The following ZFR variants were observed in gnomAD, a reference collection of about 807,000 sequenced individuals.
ZFR encodes zinc finger RNA-binding protein.
In ZFR, 19 loss-of-function variants were observed where a neutral mutation model predicts 130.7. That is an observed-to-expected ratio of 0.15 (90% confidence interval 0.10 to 0.21). The LOEUF (loss-of-function observed/expected upper bound fraction) is 0.21, where lower values mean the gene tolerates loss of function less well. Ranked by LOEUF, ZFR falls within the 10% of genes least tolerant of loss-of-function variation. The probability of loss-of-function intolerance (pLI) is 1.00; values close to 1 mark genes in which losing one functional copy is unlikely to be tolerated. For missense variants in ZFR, 872 were observed against 1,321.5 expected (o/e 0.66, Z 5.27); for synonymous variants, 466 against 456.9 (o/e 1.02, Z -0.25).
intron 2 of ZFR, among the ~76,000 whole-genome samples, chr5:32,424,778 T>C (rs1422414516): frequency 6.6e-6 from 1 of 152,178 alleles, no homozygotes; most frequent in African/African-American, 2.4e-5. Flanking sequence ...TAAATACTAT[T>C]GATAAGATAA....
At chr5:32,398,434 A>G (rs1753368549) in intron 9 of ZFR, among the ~76,000 whole-genome samples, 2 of 152,234 alleles carry the variant, frequency 1.3e-5, no homozygotes, top group Admixed American at 6.5e-5. Flanking sequence ...TATGAAGTCT[A>G]TTATGAATAC....
At chr5:32,442,327 G>GT (rs1276951323) in intron 2 of ZFR, among the ~76,000 whole-genome samples, 1 of 152,158 alleles carries the variant, frequency 6.6e-6, no homozygotes, top group Non-Finnish European at 1.5e-5. Context: ...GAAAAAGATG[G>GT]TTTTTTCCTC....
intron 2 of ZFR, among the ~76,000 whole-genome samples, chr5:32,442,812 C>T (rs1307280285): frequency 6.6e-6 from 1 of 152,100 alleles, no homozygotes; most frequent in Non-Finnish European, 1.5e-5. Flanking sequence ...TTTCTCAAAA[C>T]CACAAGTTTC....
At chr5:32,372,754 G>GA (rs1752703490) in intron 17 of ZFR, among the ~76,000 whole-genome samples, 2 of 152,112 alleles carry the variant, frequency 1.3e-5, no homozygotes, top group African/African-American at 4.8e-5. Flanking sequence ...AAAATCTCTT[G>GA]AACCCAGGAG....
chr5:32,419,755 T>TTACA (rs1753911110), intron 3 of ZFR, 66 bp downstream of exon 3: 1 of 1,508,664 alleles, frequency 6.6e-7, no homozygotes, highest in Admixed American at 2.2e-5. Flanking sequence ...GGCTAGGGCA[T>TTACA]TACATTATAC....
intron 12 of ZFR, among the ~76,000 whole-genome samples, chr5:32,389,023 T>C (rs1753102155): frequency 6.6e-6 from 1 of 152,254 alleles, no homozygotes; most frequent in Non-Finnish European, 1.5e-5. Flanking sequence ...GCCAACCCTC[T>C]GAGCAAAGAT....
rs770579451 is a variant in ZFR, at chr5:32,388,523, T to C, written c.2294A>G (p.His765Arg). The change falls in exon 13 of 20, where the codon CAT (histidine) becomes CGT (arginine). Residue 765 changes from histidine to arginine, a missense_variant. Transcript: ENST00000265069. ...LKLVSDSLSE[H>R]EKNKNKEGDD... ...TCCCTCTTTGTTCTTGTTCTTCTCA[T>C]GTTCAGACAAACTGTCTGAAACGAG... 6.8e-6 allele frequency: 11 copies of C among 1,613,986 alleles called. No individual in the cohort carries two copies. Among genetic ancestry groups the C allele is most frequent in the South Asian group, 2.2e-5 (2 of 91,086 alleles).
Position 32,415,777 on chromosome 5 carries a change from C to T in ZFR, c.566-590G>A, listed in dbSNP as rs142303746. On this transcript the variant is annotated intron_variant, in intron 4 of 19. Transcript: ENST00000265069. ...TTAAATGGCTGCCACTGATGTCTGT[C>T]AACTTCTTTGCTGCCTCTGACATAC... Among the ~76,000 whole-genome samples the T allele has an allele frequency of 2.6e-5, 4 of 152,228 alleles. No individual in the cohort carries two copies. In the East Asian group the frequency reaches 7.7e-4, roughly 29 times the overall value.
At chr5:32,358,781 G>A (rs751510511) in intron 19 of ZFR, among the ~76,000 whole-genome samples, 34 of 151,788 alleles carry the variant, frequency 2.2e-4, no homozygotes, top group Middle Eastern at 3.4e-3. Context: ...AGGGCATATC[G>A]AACTATCAGC....
chr5:32,407,025 A>G lies in ZFR; in HGVS notation c.785-4T>C. On this transcript the variant is annotated splice_polypyrimidine_tract_variant and splice_region_variant and intron_variant, in intron 5 of 19. Transcript: ENST00000265069. Reference sequence around the variant, plus strand: ...TCATAACCTGAATAAGACGTACCTTACAAATAAAAATCAAACAAAAATTAT... The same window carrying G: ...TCATAACCTGAATAAGACGTACCTTGCAAATAAAAATCAAACAAAAATTAT... The G allele has an allele frequency of 6.8e-7, 1 of 1,471,660 alleles. No individual in the cohort carries two copies. Among genetic ancestry groups the G allele is most frequent in the Non-Finnish European group, 9.0e-7 (1 of 1,110,526 alleles). 91.2% of individuals were successfully genotyped at this position (1,471,660 alleles called of 1,614,324 possible).
At position 32,355,728 on chromosome 5, in the gene ZFR, T is replaced by A; in HGVS notation, c.*32A>T. On this transcript the variant is annotated 3_prime_UTR_variant, in exon 20 of 20. Transcript: ENST00000265069. The stretch of plus-strand genomic sequence containing the variant: ...AAAACAGCCAACAAATGGGCATCTG[T>A]TTTTTTAACACTGAAGATTTACAGA... 1 of 1,529,368 alleles carries A rather than the reference T, an allele frequency of 6.5e-7. No individual in the cohort carries two copies. The highest frequency in any genetic ancestry group is 8.8e-7 in the Non-Finnish European group (1 of 1,140,860). 94.7% of individuals were successfully genotyped at this position (1,529,368 alleles called of 1,614,324 possible).
At chr5:32,356,445 C>T (rs1404458599) in intron 19 of ZFR, among the ~76,000 whole-genome samples, 1 of 152,200 alleles carries the variant, frequency 6.6e-6, no homozygotes, top group Non-Finnish European at 1.5e-5. Context: ...CAGAGTCTCG[C>T]TCTGTTGCCC....
At chr5:32,403,805 A>T in intron 7 of ZFR, 101 bp downstream of exon 7, 2 of 1,139,056 alleles carry the variant, frequency 1.8e-6, no homozygotes, top group Non-Finnish European at 2.4e-6. Context: ...TAATGCACTT[A>T]AAAGTTTTCG....
At chr5:32,429,757 C>A (rs189463237) in intron 2 of ZFR, among the ~76,000 whole-genome samples, 29 of 152,184 alleles carry the variant, frequency 1.9e-4, no homozygotes, top group Admixed American at 2.0e-4. Flanking sequence ...TTCCAACAAA[C>A]AGGAAACCTC....
At chr5:32,363,853 A>G in intron 19 of ZFR, 95 bp downstream of exon 19, 1 of 1,049,088 alleles carries the variant, frequency 9.5e-7, no homozygotes, top group Non-Finnish European at 1.4e-6. Context: ...AACGAATATT[A>G]TATAGTGACT....
intron 15 of ZFR, among the ~76,000 whole-genome samples, chr5:32,380,946 G>A (rs946845921): frequency 6.0e-5 from 9 of 150,418 alleles, no homozygotes; most frequent in African/African-American, 1.7e-4. Context: ...CACTGCGCCC[G>A]GCCCAAAACA....
At chr5:32,368,740 T>C (rs943207678) in intron 17 of ZFR, among the ~76,000 whole-genome samples, 2 of 152,252 alleles carry the variant, frequency 1.3e-5, no homozygotes, top group African/African-American at 4.8e-5. Context: ...TACCACTTAC[T>C]GAGTGCTTAT....
At chr5:32,429,782 T>TA (rs1754161816) in intron 2 of ZFR, among the ~76,000 whole-genome samples, 2 of 152,090 alleles carry the variant, frequency 1.3e-5, no homozygotes, top group Admixed American at 1.3e-4. Context: ...AAAAAAATCT[T>TA]AAGAGGCCAG....
chr5:32,355,746 T>G lies in ZFR; in HGVS notation c.*14A>C, dbSNP rs552946373. On this transcript the variant is annotated 3_prime_UTR_variant, in exon 20 of 20. Coordinates refer to ENST00000265069, the MANE Select transcript of ZFR (RefSeq NM_016107.5). ...GCATCTGTTTTTTTAACACTGAAGA[T>G]TTACAGACACTTTTTAAAAGTTATC... The G allele has an allele frequency of 1.3e-6, 2 of 1,567,366 alleles. No individual in the cohort carries two copies. Among genetic ancestry groups the G allele is most frequent in the African/African-American group, 1.4e-5 (1 of 72,322 alleles).
Sources: gnomAD v4.1 joint callset for allele counts (sites outside exome capture counted in the v4.1 genomes callset) on GRCh38, gnomAD v4.1.1 for gene constraint, MANE v1.5 for transcripts, NCBI Gene and HGNC (gene_info 2026-07-23, HGNC 2026-07-21) for gene names.